The following KCNJ15 variants were observed in gnomAD, a reference collection of about 807,000 sequenced individuals.
KCNJ15 encodes the protein potassium inwardly rectifying channel subfamily J member 15.
KCNJ15 carries 14 observed loss-of-function variants against 23.0 expected under a neutral mutation model. The observed-to-expected ratio is 0.61, with a 90% CI of 0.40 to 0.95. The LOEUF (loss-of-function observed/expected upper bound fraction) is 0.95, where lower values mean the gene tolerates loss of function less well. KCNJ15 is among the 40% of genes least tolerant of loss of function. The pLI, the probability that KCNJ15 is intolerant of heterozygous loss-of-function variation, is 0.00. For synonymous variants in KCNJ15, 185 were observed against 183.2 expected (o/e 1.01, Z -0.08); for missense variants, 388 against 461.8 (o/e 0.84, Z 1.46).
At chr21:38,230,955 TA>T (rs1490759216) in intron 1 of KCNJ15, among the ~76,000 whole-genome samples, 8 of 152,202 alleles carry the variant, frequency 5.3e-5, no homozygotes, top group African/African-American at 9.6e-5. Flanking sequence ...TTCTACAAAA[TA>T]GCCATTTGGA....
chr21:38,282,209 C>G (rs1983422255), intron 1 of KCNJ15, among the ~76,000 whole-genome samples: 1 of 152,068 alleles, frequency 6.6e-6, no homozygotes, highest in African/African-American at 2.4e-5. Flanking sequence ...AAAGTGGAAG[C>G]TACAATTGAA....
chr21:38,295,469 T>C (rs141839023), intron 1 of KCNJ15, among the ~76,000 whole-genome samples: 134 of 152,288 alleles, frequency 8.8e-4, no homozygotes, highest in Admixed American at 2.4e-3. Flanking sequence ...TACTTTCACA[T>C]TGAAAATCAA....
chr21:38,284,737 C>T (rs1308001434), intron 1 of KCNJ15, among the ~76,000 whole-genome samples: 1 of 152,208 alleles, frequency 6.6e-6, no homozygotes, highest in Non-Finnish European at 1.5e-5. Context: ...TGGCATGGCT[C>T]TGCCCTTGCT....
chr21:38,271,737 A>C (rs756694105), intron 1 of KCNJ15, among the ~76,000 whole-genome samples: 1 of 152,198 alleles, frequency 6.6e-6, no homozygotes, highest in African/African-American at 2.4e-5. Context: ...AGACGTCGCC[A>C]TCATTGTTCC....
intron 1 of KCNJ15, among the ~76,000 whole-genome samples, chr21:38,285,175 A>C (rs777865192): frequency 9.2e-5 from 14 of 152,328 alleles, no homozygotes; most frequent in Middle Eastern, 3.4e-3. Context: ...GCTCTTGTTG[A>C]TTTGTGAAAA....
Position 38,306,468 on chromosome 21 carries a change from G to A in KCNJ15, c.*6079G>A, listed in dbSNP as rs1986060738. The stretch of plus-strand genomic sequence containing the variant: ...CAAATTTACTTAATATTATAGAAGA[G>A]TAAAGAGCTTCCAAGAAGGTGATTG... On this transcript the variant is annotated 3_prime_UTR_variant, in exon 3 of 3. Coordinates refer to ENST00000398938, the MANE Select transcript of KCNJ15 (RefSeq NM_170736.3). 6.6e-6 allele frequency: 1 copy of A among 152,086 alleles called. No individual in the cohort carries two copies. 9.4% of individuals were successfully genotyped at this position (152,086 alleles called of 1,614,324 possible).
At chr21:38,258,690 T>C (rs1174471669) in intron 1 of KCNJ15, among the ~76,000 whole-genome samples, 1 of 152,260 alleles carries the variant, frequency 6.6e-6, no homozygotes, top group African/African-American at 2.4e-5. Flanking sequence ...AGTTGAACTT[T>C]GTGATTCTGG....
chr21:38,246,623 A>G (rs1231712515), intron 1 of KCNJ15, among the ~76,000 whole-genome samples: 1 of 152,220 alleles, frequency 6.6e-6, no homozygotes, highest in Non-Finnish European at 1.5e-5. Flanking sequence ...CCAATGCTTG[A>G]TTTTAATTTT....
At chr21:38,247,480 G>A (rs965912203) in intron 1 of KCNJ15, among the ~76,000 whole-genome samples, 1 of 149,946 alleles carries the variant, frequency 6.7e-6, no homozygotes, top group Non-Finnish European at 1.5e-5. Context: ...ATGGATAAAC[G>A]GATGGATAGA....
At chr21:38,236,148 A>G (rs949969236) in intron 1 of KCNJ15, among the ~76,000 whole-genome samples, 1 of 152,202 alleles carries the variant, frequency 6.6e-6, no homozygotes, top group Non-Finnish European at 1.5e-5. Context: ...TTTCTGTCTT[A>G]CCTGCCAGGT....
intron 1 of KCNJ15, among the ~76,000 whole-genome samples, chr21:38,278,377 T>C (rs1982962043): frequency 6.6e-6 from 1 of 152,178 alleles, no homozygotes; most frequent in African/African-American, 2.4e-5. Context: ...CCTAGGCAAA[T>C]GCTTTAACTT....
chr21:38,278,624 G>A (rs1026055952), intron 1 of KCNJ15, among the ~76,000 whole-genome samples: 1 of 152,248 alleles, frequency 6.6e-6, no homozygotes, highest in Admixed American at 6.5e-5. Context: ...CAAACCCATG[G>A]GAACAGGTGG....
chr21:38,267,164 T>C (rs1262179979), intron 1 of KCNJ15: 2 of 152,138 alleles, frequency 1.3e-5, no homozygotes, highest in Non-Finnish European at 2.9e-5. Context: ...AGGAGTACAG[T>C]TGCTTAAAGA....
At chr21:38,256,070 G>A (rs1004540776), upstream of KCNJ15, among the ~76,000 whole-genome samples, 3 of 152,070 alleles carry the variant, frequency 2.0e-5, no homozygotes, top group Admixed American at 6.5e-5. Context: ...ATGCAGTCTG[G>A]CCGTGAGAAG....
intron 1 of KCNJ15, among the ~76,000 whole-genome samples, chr21:38,238,830 A>G (rs1038154838): frequency 4.6e-5 from 7 of 152,120 alleles, no homozygotes; most frequent in African/African-American, 1.7e-4. Flanking sequence ...TAGAAAAACA[A>G]AAGTATAGTA....
Position 38,302,630 on chromosome 21 carries a change from C to T in KCNJ15, c.*2241C>T, listed in dbSNP as rs1214457552. ...TTACTGTATAGTGTGGTATAATCAA[C>T]AAAAAATAATGCCACGGGCATGTTT... On this transcript the variant is annotated 3_prime_UTR_variant, in exon 3 of 3. Coordinates refer to ENST00000398938, the MANE Select transcript of KCNJ15 (RefSeq NM_170736.3). The T allele has an allele frequency of 1.3e-5, 2 of 152,046 alleles. No homozygotes were observed. The highest frequency in any genetic ancestry group is 4.8e-5 in the African/African-American group (2 of 41,398). The allele number at this position is 152,046 out of a possible 1,614,324, so 9.4% of individuals were successfully genotyped here.
rs187457526 is a variant in KCNJ15 at position 38,296,232 on chromosome 21, A to G, written c.-116-694A>G. ...GATAGATAATAGATTGATTGGTGAT[A>G]TATAATAAATGATAGATTAGAGAGA... On this transcript the variant is annotated intron_variant, in intron 1 of 2. Transcript: ENST00000398938. 1.3e-3 allele frequency among the ~76,000 whole-genome samples: 194 copies of G among 148,840 alleles called. 1 individual carries two copies. Among genetic ancestry groups the G allele is most frequent in the South Asian group, 6.2e-4 (3 of 4,826 alleles).
At chr21:38,250,872 A>G (rs1471873529) in intron 1 of KCNJ15, among the ~76,000 whole-genome samples, 1 of 152,200 alleles carries the variant, frequency 6.6e-6, no homozygotes, top group Non-Finnish European at 1.5e-5. Context: ...TTCTATTTCA[A>G]ATATTGTAAA....
chr21:38,299,156 C>T lies in KCNJ15; in HGVS notation c.-18-88C>T. ...CTCCTTTCTTGTGTACTTCCATGTACATTCATACTTACTTCACATGATGAT... is the reference window on the plus strand; with the variant it reads ...CTCCTTTCTTGTGTACTTCCATGTATATTCATACTTACTTCACATGATGAT... On this transcript the variant is annotated intron_variant, in intron 2 of 2. Coordinates refer to ENST00000398938, the MANE Select transcript of KCNJ15 (RefSeq NM_170736.3). The surrounding 1 kb of genome is among the most constrained non-coding windows in gnomAD (Gnocchi z 4.5). The T allele has an allele frequency of 1.0e-6, 1 of 1,002,672 alleles. No individual in the cohort carries two copies. Among genetic ancestry groups the T allele is most frequent in the South Asian group, 1.6e-5 (1 of 63,914 alleles). The allele number at this position is 1,002,672 out of a possible 1,614,324, so 62.1% of individuals were successfully genotyped here. A position where few individuals can be genotyped will look rare whatever the true frequency, so the allele number is the denominator to read the frequency against.
Sources: gnomAD v4.1 joint callset for allele counts (sites outside exome capture counted in the v4.1 genomes callset) on GRCh38, gnomAD v4.1.1 for gene constraint, Gnocchi (gnomAD v3.1) non-coding constraint, MANE v1.5 for transcripts, NCBI Gene and HGNC (gene_info 2026-07-23, HGNC 2026-07-21) for gene names.